Variants in ABAT observed in about 807,000 individuals in gnomAD.
ABAT encodes 4-aminobutyrate aminotransferase.
In ABAT, 45 loss-of-function variants were observed where a neutral mutation model predicts 64.6. The ratio of observed to expected loss-of-function variants is 0.70; its 90% CI spans 0.55 to 0.89. The LOEUF is 0.89. Among genes scored for constraint, ABAT ranks in the 40% least tolerant of loss-of-function variants. The pLI, the probability that ABAT is intolerant of heterozygous loss-of-function variation, is 0.00. For synonymous variants in ABAT, 297 were observed against 250.5 expected (o/e 1.19, Z -1.75); for missense variants, 633 against 658.4 (o/e 0.96, Z 0.42).
intron 5 of ABAT, 80 bp downstream of exon 5, chr16:8,750,619 T>C (rs1443725703): frequency 1.1e-5 from 15 of 1,322,342 alleles, no homozygotes; most frequent in Non-Finnish European, 1.5e-5. Flanking sequence ...TATTAGGATG[T>C]GGCTTCCAGC....
rs1261997849 is a variant in ABAT at position 8,783,619 on chromosome 16, C to G, written c.*2189C>G. 2 of 152,158 alleles carry G rather than the reference C, an allele frequency of 1.3e-5. No individual in the cohort carries two copies. Among genetic ancestry groups the G allele is most frequent in the African/African-American group, 4.8e-5 (2 of 41,434 alleles). The allele number at this position is 152,158 out of a possible 1,614,324, so 9.4% of individuals were successfully genotyped here. A position where few individuals can be genotyped will look rare whatever the true frequency, so the allele number is the denominator to read the frequency against. ...GCAGCATCCCAAGGTTCAATAAGGC[C>G]TTATTTAACAAGCAAGCAAAATGCA... is the stretch of plus-strand genomic sequence containing the variant. On this transcript the variant is annotated 3_prime_UTR_variant, in exon 16 of 16. Transcript: ENST00000268251.
intron 2 of ABAT, 66 bp downstream of exon 2, chr16:8,735,875 T>G (rs767118285): frequency 9.0e-6 from 13 of 1,444,874 alleles, no homozygotes; most frequent in Admixed American, 5.9e-5. Flanking sequence ...TAGGGATTCC[T>G]GGGCTGGAAG....
chr16:8,753,896 C>G (rs1437088779), intron 5 of ABAT, among the ~76,000 whole-genome samples: 1 of 152,030 alleles, frequency 6.6e-6, no homozygotes, highest in Non-Finnish European at 1.5e-5. Flanking sequence ...AAAGTCTCCC[C>G]TGGGTGATGC....
chr16:8,705,737 C>T (rs933839435), intron 1 of ABAT, among the ~76,000 whole-genome samples: 28 of 151,962 alleles, frequency 1.8e-4, no homozygotes, highest in African/African-American at 4.8e-5. Flanking sequence ...TTTTTTTGTT[C>T]TGAATCTCAT....
chr16:8,684,696 G>A (rs1037871369), intron 1 of ABAT, among the ~76,000 whole-genome samples: 11 of 148,122 alleles, frequency 7.4e-5, no homozygotes, highest in African/African-American at 2.3e-4. Flanking sequence ...GCACTCCAGC[G>A]TGGACAACAG....
chr16:8,780,299 G>A, intron 15 of ABAT: 1 of 164,330 alleles, frequency 6.1e-6, no homozygotes, highest in Non-Finnish European at 1.3e-5. Flanking sequence ...AAGCCACTGA[G>A]GACATGTGTG....
intron 1 of ABAT, among the ~76,000 whole-genome samples, chr16:8,710,727 A>AGAGAGAGATAGGGAGAGGGAGG: frequency 9.6e-6 from 1 of 103,758 alleles, no homozygotes; most frequent in Non-Finnish European, 2.1e-5. Context: ...AGAGAGAGAG[A>AGAGAGAGATAGGGAGAGGGAGG]GAGGAAATAG....
At chr16:8,693,075 G>A (rs568217467) in intron 1 of ABAT, among the ~76,000 whole-genome samples, 1 of 152,158 alleles carries the variant, frequency 6.6e-6, no homozygotes, top group Non-Finnish European at 1.5e-5. Context: ...GGATGGTCTC[G>A]AACTCATGAC....
rs199528178 is a variant in ABAT, at chr16:8,723,827, A to T, written c.-41-11872A>T. Among the ~76,000 whole-genome samples, 111 of 40,368 alleles carry T rather than the reference A, an allele frequency of 2.7e-3. 1 individual carries two copies. The highest frequency in any genetic ancestry group is 0.019 in the Middle Eastern group (1 of 52). 26.5% of individuals were successfully genotyped at this position (40,368 alleles called of 152,430 possible). On this transcript the variant is annotated intron_variant, in intron 1 of 15. Coordinates refer to ENST00000268251, the MANE Select transcript of ABAT (RefSeq NM_020686.6). ...AAGCTTTTTATATATATATATATAT[A>T]TTTTTTTTTTTTTTTTTTTTTTTTT...
chr16:8,729,180 C>A (rs956721817), intron 1 of ABAT, among the ~76,000 whole-genome samples: 4 of 151,058 alleles, frequency 2.6e-5, no homozygotes, highest in African/African-American at 9.7e-5. Context: ...TGGCGGCGTT[C>A]GCCTGTAGTT....
At chr16:8,724,920 C>CTTTTT (rs562546446) in intron 1 of ABAT, among the ~76,000 whole-genome samples, 1 of 46,252 alleles carries the variant, frequency 2.2e-5, no homozygotes, top group African/African-American at 1.2e-4. Context: ...TCTCTTTTTT[C>CTTTTT]TTTTTTTTTT....
Position 8,781,482 on chromosome 16 carries a change from T to C in ABAT, c.*52T>C, listed in dbSNP as rs1459691468. On this transcript the variant is annotated 3_prime_UTR_variant, in exon 16 of 16. Transcript: ENST00000268251. The surrounding 1 kb of genome is among the most constrained non-coding windows in gnomAD (Gnocchi z 4.5). ...AGCCCGGATCCCAACAGTTGTCAAA[T>C]TGATTAGTTTGCCTAATTCATGTTT... 1 of 1,609,932 alleles carries C rather than the reference T, an allele frequency of 6.2e-7. No homozygotes were observed. Among genetic ancestry groups the C allele is most frequent in the Non-Finnish European group, 8.5e-7 (1 of 1,176,844 alleles).
intron 1 of ABAT, among the ~76,000 whole-genome samples, chr16:8,710,731 G>GA (rs2058053700): frequency 4.2e-5 from 2 of 48,106 alleles, no homozygotes; most frequent in African/African-American, 9.8e-5. Context: ...AGAGAGAGAG[G>GA]AAATAGGCTC....
intron 1 of ABAT, among the ~76,000 whole-genome samples, chr16:8,697,148 G>C (rs2057721153): frequency 6.6e-6 from 1 of 152,180 alleles, no homozygotes; most frequent in East Asian, 1.9e-4. Flanking sequence ...AGGCTGTTCT[G>C]AGCAGGTGGT....
Position 8,774,768 on chromosome 16 carries a change from T to C in ABAT, c.955-122T>C. 4 of 1,220,480 alleles carry C rather than the reference T, an allele frequency of 3.3e-6. No homozygotes were observed. The Admixed American group carries it at 7.3e-5, about 22-fold the overall frequency. 75.6% of individuals were successfully genotyped at this position (1,220,480 alleles called of 1,614,324 possible). A position where few individuals can be genotyped will look rare whatever the true frequency, so the allele number is the denominator to read the frequency against. On this transcript the variant is annotated intron_variant, in intron 12 of 15. Coordinates refer to ENST00000268251, the MANE Select transcript of ABAT (RefSeq NM_020686.6). ...GCTCAAGAACATGGGGCTGGTTTGC[T>C]CTTCAGAAAACAAGCACGATGTGTG... is the stretch of plus-strand genomic sequence containing the variant.
intron 12 of ABAT, among the ~76,000 whole-genome samples, chr16:8,773,575 A>G (rs368343058): frequency 6.3e-4 from 96 of 152,328 alleles, no homozygotes; most frequent in African/African-American, 2.0e-3. Flanking sequence ...GAATATTCCA[A>G]ATCCACTCCT....
intron 1 of ABAT, chr16:8,713,716 G>A: frequency 2.8e-6 from 1 of 352,130 alleles, no homozygotes; most frequent in Non-Finnish European, 5.8e-6. Flanking sequence ...TGGAAATCCG[G>A]GACACCCTCC....
At chr16:8,774,178 C>T (rs925932950) in intron 12 of ABAT, among the ~76,000 whole-genome samples, 6 of 152,090 alleles carry the variant, frequency 3.9e-5, no homozygotes, top group African/African-American at 4.8e-5. Flanking sequence ...GTGATTTGCC[C>T]GCCTCAGCCT....
intron 1 of ABAT, among the ~76,000 whole-genome samples, chr16:8,732,450 C>T (rs2142335624): frequency 6.6e-6 from 1 of 150,826 alleles, no homozygotes; most frequent in East Asian, 1.9e-4. Context: ...CTTCAAGCAT[C>T]TGTTTAACAA....
Sources: gnomAD v4.1 joint callset for allele counts (sites outside exome capture counted in the v4.1 genomes callset) on GRCh38, gnomAD v4.1.1 for gene constraint, Gnocchi (gnomAD v3.1) non-coding constraint, MANE v1.5 for transcripts, NCBI Gene and HGNC (gene_info 2026-07-23, HGNC 2026-07-21) for gene names.